MIR2052HG: variants seen among roughly 807,000 people sequenced by gnomAD.
MIR2052HG encodes MIR2052 host gene.
At chr8:74,672,133 C>G (rs1809000374) in intron 2 of MIR2052HG, among the ~76,000 whole-genome samples, 1 of 152,056 alleles carries the variant, frequency 6.6e-6, no homozygotes, top group African/African-American at 2.4e-5. Context: ...TATTATAAAA[C>G]AGTTATCAAA....
intron 5 of MIR2052HG, among the ~76,000 whole-genome samples, chr8:74,753,867 C>A (rs934990877): frequency 6.6e-6 from 1 of 152,182 alleles, no homozygotes; most frequent in Non-Finnish European, 1.5e-5. Flanking sequence ...CTTCCATTCA[C>A]CAATAAATTT....
chr8:74,670,269 T>G (rs1019792074), intron 2 of MIR2052HG, among the ~76,000 whole-genome samples: 9 of 138,308 alleles, frequency 6.5e-5, no homozygotes, highest in Non-Finnish European at 1.2e-4. Context: ...CAAGGAACAG[T>G]GCACTTAACA....
intron 4 of MIR2052HG, among the ~76,000 whole-genome samples, chr8:74,750,689 A>G (rs896371613): frequency 6.6e-6 from 1 of 152,206 alleles, no homozygotes; most frequent in African/African-American, 2.4e-5. Context: ...TGAAAACAGG[A>G]CCATCATAAC....
intron 4 of MIR2052HG, among the ~76,000 whole-genome samples, chr8:74,721,128 C>T (rs1247599200): frequency 6.6e-6 from 1 of 152,162 alleles, no homozygotes; most frequent in Non-Finnish European, 1.5e-5. Flanking sequence ...TCTGCTATCC[C>T]GAAGTTAGTA....
chr8:74,744,584 T>C (rs1025421491), intron 4 of MIR2052HG, among the ~76,000 whole-genome samples: 3 of 152,116 alleles, frequency 2.0e-5, no homozygotes, highest in Non-Finnish European at 4.4e-5. Flanking sequence ...TGTTTGGTTT[T>C]TTGTCCTTGC....
chr8:74,603,356 T>C (rs1808054227), intron 1 of MIR2052HG: 12 of 1,611,060 alleles, frequency 7.4e-6, no homozygotes, highest in African/African-American at 1.3e-5. Context: ...GCCAGGCTAA[T>C]GCTGGCAGCA....
chr8:74,725,484 G>A (rs1024475548), intron 4 of MIR2052HG, among the ~76,000 whole-genome samples: 14 of 152,350 alleles, frequency 9.2e-5, no homozygotes, highest in African/African-American at 3.1e-4. Context: ...TGGCAACGGG[G>A]TGGCTACTTG....
intron 2 of MIR2052HG, among the ~76,000 whole-genome samples, chr8:74,654,738 T>G (rs1459196303): frequency 1.3e-5 from 2 of 152,128 alleles, no homozygotes; most frequent in East Asian, 3.9e-4. Flanking sequence ...AATGGGCTAA[T>G]ATAGTAAATT....
chr8:74,674,657 T>G (rs1374665961), intron 2 of MIR2052HG, among the ~76,000 whole-genome samples: 2 of 151,942 alleles, frequency 1.3e-5, no homozygotes, highest in Non-Finnish European at 2.9e-5. Flanking sequence ...TCTCATATTC[T>G]GAATCTCTCT....
chr8:74,747,372 G>C (rs745879052), intron 4 of MIR2052HG, among the ~76,000 whole-genome samples: 2 of 152,134 alleles, frequency 1.3e-5, no homozygotes, highest in Non-Finnish European at 2.9e-5. Flanking sequence ...AATTCTATAA[G>C]ATCCTCTAAA....
At chr8:74,622,599 G>C (rs1277443277) in intron 2 of MIR2052HG, among the ~76,000 whole-genome samples, 1 of 151,452 alleles carries the variant, frequency 6.6e-6, no homozygotes, top group African/African-American at 2.4e-5. Context: ...GTGAGACCCT[G>C]TCTCAAAAAA....
At chr8:74,745,758 T>G (rs1238803322) in intron 4 of MIR2052HG, among the ~76,000 whole-genome samples, 1 of 152,176 alleles carries the variant, frequency 6.6e-6, no homozygotes, top group Non-Finnish European at 1.5e-5. Flanking sequence ...GTCATCAATT[T>G]CTTGAAAAGA....
chr8:74,624,960 A>G (rs796640336), intron 2 of MIR2052HG, among the ~76,000 whole-genome samples: 1 of 152,228 alleles, frequency 6.6e-6, no homozygotes, highest in Non-Finnish European at 1.5e-5. Context: ...TGAGTACAGT[A>G]AAGGATGAAA....
intron 2 of MIR2052HG, among the ~76,000 whole-genome samples, chr8:74,697,443 T>A (rs1398998365): frequency 6.6e-6 from 1 of 152,062 alleles, no homozygotes; most frequent in Non-Finnish European, 1.5e-5. Context: ...TTTTACCACT[T>A]ACATTCAACA....
At chr8:74,619,707 A>G (rs971530481) in intron 2 of MIR2052HG, among the ~76,000 whole-genome samples, 2 of 152,216 alleles carry the variant, frequency 1.3e-5, no homozygotes, top group African/African-American at 2.4e-5. Flanking sequence ...CTATGATTCA[A>G]TTACCTCCAC....
intron 4 of MIR2052HG, among the ~76,000 whole-genome samples, chr8:74,710,564 G>A (rs903402440): frequency 7.2e-5 from 11 of 152,080 alleles, no homozygotes; most frequent in Non-Finnish European, 1.0e-4. Context: ...TTAGTATGGC[G>A]TTTATAGCAG....
chr8:74,741,644 T>C (rs943932529), intron 4 of MIR2052HG, among the ~76,000 whole-genome samples: 4 of 152,190 alleles, frequency 2.6e-5, no homozygotes, highest in African/African-American at 9.6e-5. Flanking sequence ...TTTCTGGATC[T>C]ACCGTATTGT....
chr8:74,744,927 A>T (rs1228831304), intron 4 of MIR2052HG, among the ~76,000 whole-genome samples: 4 of 152,168 alleles, frequency 2.6e-5, no homozygotes, highest in Admixed American at 2.6e-4. Flanking sequence ...AAAATACAAG[A>T]TGTGGAAACT....
intron 1 of MIR2052HG, among the ~76,000 whole-genome samples, chr8:74,600,823 C>T (rs1807989715): frequency 6.6e-6 from 1 of 152,190 alleles, no homozygotes. Flanking sequence ...TTCTGCCAGC[C>T]TGAGCCTCCC....
Sources: gnomAD v4.1 joint callset for allele counts (sites outside exome capture counted in the v4.1 genomes callset) on GRCh38, gnomAD v4.1.1 for gene constraint, MANE v1.5 for transcripts, NCBI Gene and HGNC (gene_info 2026-07-23, HGNC 2026-07-21) for gene names.